Variants in GYG2 observed in about 807,000 individuals in gnomAD.
GYG2 encodes the protein glycogenin-2.
In GYG2, 29 loss-of-function variants were observed where a neutral mutation model predicts 29.4. The ratio of observed to expected loss-of-function variants is 0.99; its 90% CI spans 0.74 to 1.35. The LOEUF (loss-of-function observed/expected upper bound fraction) is 1.35. Ranked by LOEUF, GYG2 falls within the 40% of genes most tolerant of loss-of-function variation. GYG2 has a pLI of 0.00. For synonymous variants in GYG2, 167 were observed against 172.3 expected, an observed-to-expected ratio of 0.97 and a Z score of 0.24; for missense variants, 370 against 385.7, an observed-to-expected ratio of 0.96 and a Z score of 0.34.
intron 3 of GYG2, among the ~76,000 whole-genome samples, chrX:2,844,119 A>G (rs1308160985): frequency 8.9e-6 from 1 of 112,332 alleles, no homozygotes; most frequent in Admixed American, 9.5e-5. Flanking sequence ...AAAAAAATTG[A>G]TTTTATACGA....
Position 2,854,028 on chromosome X carries a change from C to T in GYG2, c.198C>T (p.Ile66=). The change falls in exon 4 of 11, where the codon ATC becomes ATT. Residue 66 remains isoleucine (I), a synonymous_variant. Coordinates refer to ENST00000398806, the MANE Select transcript of GYG2 (RefSeq NM_001079855.2). ...VFDEVIEVNL[I]DSADYIHLAF... ...ATGAAGTCATTGAAGTGAATCTAAT[C>T]GATAGTGCCGACTACATCCACCTGG... is the stretch of plus-strand genomic sequence containing the variant. 2.5e-6 allele frequency: 3 copies of T among 1,196,698 alleles called. No homozygotes were observed. The highest frequency in any genetic ancestry group is 3.4e-6 in the Non-Finnish European group (3 of 881,985).
chrX:2,835,831 A>G (rs2087360795), intron 2 of GYG2, among the ~76,000 whole-genome samples: 1 of 111,601 alleles, frequency 9.0e-6, no homozygotes, highest in South Asian at 3.8e-4. Flanking sequence ...TGGGTTTGCT[A>G]GGGAAAGGAG....
At chrX:2,848,893 TTATTA>T (rs1486791287) in intron 3 of GYG2, among the ~76,000 whole-genome samples, 1 of 110,559 alleles carries the variant, frequency 9.0e-6, no homozygotes, top group Non-Finnish European at 1.9e-5. Flanking sequence ...GTGGGACCTT[TTATTA>T]TATGTTTCGT....
chrX:2,882,623 A>G lies in GYG2; in HGVS notation c.*1410A>G, dbSNP rs915014955. 2 of 109,886 alleles carry G rather than the reference A, an allele frequency of 1.8e-5. No individual in the cohort carries two copies. The highest frequency in any genetic ancestry group is 3.8e-5 in the Non-Finnish European group (2 of 52,689). The allele number at this position is 109,886 out of a possible 1,213,427, so 9.1% of individuals were successfully genotyped here. ...TCAGGTGAGTCAGGGTTGGATGGTC[A>G]TCGGCTTTCAGAAGGAGACCACGGG... On this transcript the variant is annotated 3_prime_UTR_variant, in exon 11 of 11. Coordinates refer to ENST00000398806, the MANE Select transcript of GYG2 (RefSeq NM_001079855.2).
At chrX:2,857,289 CT>C (rs59741043) in intron 6 of GYG2, among the ~76,000 whole-genome samples, 55,334 of 106,761 alleles carry the variant, frequency 0.52, 11,361 homozygotes, top group African/African-American at 0.74. Flanking sequence ...CTATAAACAT[CT>C]TATCTATCTA....
At chrX:2,859,379 A>G (rs180791665) in intron 6 of GYG2, among the ~76,000 whole-genome samples, 1 of 111,230 alleles carries the variant, frequency 9.0e-6, no homozygotes, top group African/African-American at 3.3e-5. Flanking sequence ...CTATGCTAGT[A>G]GTAGTATATT....
chrX:2,839,340 C>T (rs2087447050), intron 2 of GYG2, among the ~76,000 whole-genome samples: 1 of 111,139 alleles, frequency 9.0e-6, no homozygotes, highest in Admixed American at 9.7e-5. Context: ...ACTTGCCTTC[C>T]TTAGCACACT....
intron 2 of GYG2, among the ~76,000 whole-genome samples, chrX:2,837,103 A>C (rs775829231): frequency 8.9e-6 from 1 of 111,979 alleles, no homozygotes; most frequent in East Asian, 2.8e-4. Context: ...CCCAGAATTC[A>C]TGTCATAAAT....
At chrX:2,842,807 C>A (rs1228859255) in intron 2 of GYG2, among the ~76,000 whole-genome samples, 1 of 94,256 alleles carries the variant, frequency 1.1e-5, no homozygotes, top group Non-Finnish European at 2.2e-5. Flanking sequence ...ATATTCACTG[C>A]AAGTCGTGAT....
At chrX:2,861,302 T>C (rs1187987947) in intron 7 of GYG2, among the ~76,000 whole-genome samples, 1 of 111,695 alleles carries the variant, frequency 9.0e-6, no homozygotes, top group African/African-American at 3.3e-5. Context: ...AGTACTGGAT[T>C]ACTAAGTACT....
intron 10 of GYG2, chrX:2,877,796 A>G: frequency 1.3e-6 from 1 of 747,827 alleles, no homozygotes; most frequent in Non-Finnish European, 1.6e-6. Context: ...CCATTGATGC[A>G]TTTAATGAAA....
At chrX:2,878,318 T>C (rs2088644790) in intron 10 of GYG2, 2 of 291,239 alleles carry the variant, frequency 6.9e-6, no homozygotes, top group Non-Finnish European at 4.6e-6. Context: ...AGGGACAGGG[T>C]CTTGCTGTGT....
At chrX:2,829,658 G>A (rs1385977764) in intron 1 of GYG2, among the ~76,000 whole-genome samples, 1 of 108,051 alleles carries the variant, frequency 9.3e-6, no homozygotes, top group Non-Finnish European at 1.9e-5. Context: ...GCGCAGGGGT[G>A]GTCCAGGGAG....
At chrX:2,879,550 C>T (rs1328130999) in intron 10 of GYG2, among the ~76,000 whole-genome samples, 1 of 112,354 alleles carries the variant, frequency 8.9e-6, no homozygotes, top group Non-Finnish European at 1.9e-5. Context: ...CAGGCATAAA[C>T]CACCACACCC....
chrX:2,869,522 TA>T (rs1045696073), intron 8 of GYG2, among the ~76,000 whole-genome samples: 2 of 112,452 alleles, frequency 1.8e-5, no homozygotes, highest in Non-Finnish European at 3.8e-5. Flanking sequence ...CACAGATTTT[TA>T]AAAAAAGTTT....
chrX:2,869,016 T>A (rs1310688412), intron 8 of GYG2, among the ~76,000 whole-genome samples: 2 of 96,506 alleles, frequency 2.1e-5, no homozygotes, highest in South Asian at 1.0e-3. Context: ...CTGAACATCT[T>A]AAAAAAAAAA....
chrX:2,863,862 GC>G (rs1165619594), intron 8 of GYG2, among the ~76,000 whole-genome samples: 2 of 111,660 alleles, frequency 1.8e-5, no homozygotes, highest in African/African-American at 6.5e-5. Flanking sequence ...CATCAGTGGA[GC>G]CCTTACATGA....
chrX:2,849,228 G>T (rs148997853), intron 3 of GYG2, among the ~76,000 whole-genome samples: 3,311 of 111,093 alleles, frequency 0.03, 146 homozygotes, highest in African/African-American at 0.1. Context: ...CCCCCAGCCC[G>T]GATCTTTACG....
chrX:2,860,094 A>G, intron 7 of GYG2, 29 bp downstream of exon 7: 1 of 974,459 alleles, frequency 1.0e-6, no homozygotes, highest in Non-Finnish European at 1.4e-6. Context: ...TAAAACCCGT[A>G]GCTGAGGACG....
Sources: allele counts gnomAD v4.1 joint callset (sites outside exome capture counted in the v4.1 genomes callset), GRCh38; gene constraint gnomAD v4.1.1; transcripts MANE v1.5; gene names NCBI Gene and HGNC (gene_info 2026-07-23, HGNC 2026-07-21).